Variants in C10orf90 observed in about 807,000 individuals in gnomAD.
C10orf90 encodes the protein (E2-independent) E3 ubiquitin-conjugating enzyme FATS.
C10orf90 carries 56 observed loss-of-function variants against 62.5 expected under a neutral mutation model. That is an observed-to-expected ratio of 0.90 (90% confidence interval 0.72 to 1.12). The LOEUF (loss-of-function observed/expected upper bound fraction) is 1.12. C10orf90 is among the 50% of genes most tolerant of loss of function. The pLI is 0.00. For missense variants in C10orf90, 970 were observed against 880.4 expected (o/e 1.10, Z -1.29); for synonymous variants, 386 against 340.4 (o/e 1.13, Z -1.47).
intron 2 of C10orf90, among the ~76,000 whole-genome samples, chr10:126,633,515 G>A (rs967793555): frequency 1.3e-5 from 2 of 152,234 alleles, no homozygotes; most frequent in African/African-American, 4.8e-5. Context: ...GTGGCAAGCT[G>A]GGAGAAGAGT....
At chr10:126,468,269 A>G (rs962824096) in intron 4 of C10orf90, among the ~76,000 whole-genome samples, 2 of 152,070 alleles carry the variant, frequency 1.3e-5, no homozygotes, top group African/African-American at 4.8e-5. Context: ...AGGTTTTACC[A>G]TGTTGGCCAG....
intron 2 of C10orf90, among the ~76,000 whole-genome samples, chr10:126,579,116 G>T (rs1181035815): frequency 6.6e-6 from 1 of 151,562 alleles, no homozygotes; most frequent in African/African-American, 2.4e-5. Context: ...TAGACATTTA[G>T]TGTCACTTGC....
intron 3 of C10orf90, 29 bp from the exon 4 acceptor site, chr10:126,505,114 CA>C: frequency 6.3e-7 from 1 of 1,578,456 alleles, no homozygotes; most frequent in Non-Finnish European, 8.6e-7. Context: ...CCCGATTATT[CA>C]AGCAGTCTAT....
chr10:126,557,928 G>A (rs953791607), intron 2 of C10orf90, among the ~76,000 whole-genome samples: 1 of 151,862 alleles, frequency 6.6e-6, no homozygotes, highest in Non-Finnish European at 1.5e-5. Context: ...TTGCTCTTGG[G>A]GGGTGACGGT....
intron 4 of C10orf90, among the ~76,000 whole-genome samples, chr10:126,476,171 G>A (rs1031205928): frequency 1.3e-5 from 2 of 152,160 alleles, no homozygotes; most frequent in African/African-American, 4.8e-5. Context: ...CAGGATTCCC[G>A]TGGAAAAGGC....
In C10orf90 at chr10:126,504,855, C is replaced by T. The variant is rs1564840790; in HGVS notation, c.636G>A (p.Glu212=). 1 of 1,612,012 alleles carries T rather than the reference C, an allele frequency of 6.2e-7. No homozygotes were observed. Among genetic ancestry groups the T allele is most frequent in the Non-Finnish European group, 8.5e-7 (1 of 1,178,714 alleles). ...GRLGIPAPSD[E]RGPEAELPPK... ...GCGGCAGCTCTGCCTCAGGTCCTCG[C>T]TCATCTGACGGTGCCGGGATTCCTA... is the stretch of plus-strand genomic sequence containing the variant. Residue 212 remains glutamate (E), a synonymous_variant, in exon 4 of 10, where the codon GAG becomes GAA. Coordinates refer to ENST00000488181, the MANE Select transcript of C10orf90 (RefSeq NM_001350921.2). The surrounding 1 kb of genome is among the most constrained non-coding windows in gnomAD (Gnocchi z 4.1).
At chr10:126,560,981 C>T (rs1864888325) in intron 2 of C10orf90, among the ~76,000 whole-genome samples, 1 of 152,178 alleles carries the variant, frequency 6.6e-6, no homozygotes, top group South Asian at 2.1e-4. Context: ...TCTATTCACC[C>T]TACAAAGCCT....
chr10:126,642,789 G>A (rs973546748), intron 2 of C10orf90, among the ~76,000 whole-genome samples: 2 of 152,076 alleles, frequency 1.3e-5, no homozygotes, highest in Non-Finnish European at 2.9e-5. Context: ...GCGAGCATCT[G>A]GAGCAGATGA....
chr10:126,484,622 G>A (rs562717648), intron 4 of C10orf90, among the ~76,000 whole-genome samples: 67 of 152,246 alleles, frequency 4.4e-4, no homozygotes, highest in Middle Eastern at 3.4e-3. Context: ...TAATGGCAGC[G>A]CACATTACCA....
Position 126,504,121 on chromosome 10 carries a change from C to A in C10orf90, c.1370G>T (p.Cys457Phe), listed in dbSNP as rs1479522479. 1.2e-6 allele frequency: 2 copies of A among 1,614,050 alleles called. No homozygotes were observed. Among genetic ancestry groups the A allele is most frequent in the Non-Finnish European group, 1.7e-6 (2 of 1,180,042 alleles). The change falls in exon 4 of 10, where the codon TGT (cysteine) becomes TTT (phenylalanine). Residue 457 changes from cysteine to phenylalanine, a missense_variant. Cys to Phe is a radical substitution (Grantham distance 205). Transcript: ENST00000488181. The surrounding 1 kb of genome is among the most constrained non-coding windows in gnomAD (Gnocchi z 4.1). ...LRRVHLGTGA[C>F]PWSGSFPLEN... is the part of the protein sequence containing the mutation. ...CAATGGAAAAGAACCACTCCAAGGA[C>A]AAGCGCCGGTCCCCAAATGCACCCG...
chr10:126,558,162 T>G (rs1166997496), intron 2 of C10orf90, among the ~76,000 whole-genome samples: 2 of 152,146 alleles, frequency 1.3e-5, no homozygotes, highest in African/African-American at 4.8e-5. Context: ...TCATCCCAAC[T>G]GCTAATATCC....
chr10:126,662,607 T>G (rs1286586543), intron 1 of C10orf90, among the ~76,000 whole-genome samples: 1 of 152,182 alleles, frequency 6.6e-6, no homozygotes, highest in Non-Finnish European at 1.5e-5. Context: ...AAATTGCCAT[T>G]CCTTCTGCCT....
intron 4 of C10orf90, among the ~76,000 whole-genome samples, chr10:126,495,914 C>T (rs1237803640): frequency 6.6e-6 from 1 of 152,192 alleles, no homozygotes; most frequent in East Asian, 1.9e-4. Flanking sequence ...GGTTTGAGTC[C>T]CCACCATGAG....
chr10:126,656,317 G>A (rs568814486), intron 1 of C10orf90, among the ~76,000 whole-genome samples: 100 of 152,248 alleles, frequency 6.6e-4, no homozygotes, highest in African/African-American at 2.4e-3. Context: ...TATGAGCCAA[G>A]GGCTTCCCTA....
chr10:126,628,819 C>T (rs369664401), intron 2 of C10orf90, among the ~76,000 whole-genome samples: 34 of 152,324 alleles, frequency 2.2e-4, no homozygotes, highest in South Asian at 1.0e-3. Flanking sequence ...ACTCACTCTC[C>T]ATGTTCCTCA....
At chr10:126,505,173 A>G in intron 3 of C10orf90, 88 bp from the exon 4 acceptor site, 2 of 1,377,336 alleles carry the variant, frequency 1.5e-6, no homozygotes, top group Non-Finnish European at 2.0e-6. Flanking sequence ...AGGATGCCAG[A>G]GCACTGGGTT....
chr10:126,634,527 CTA>C (rs1183744704), intron 2 of C10orf90, among the ~76,000 whole-genome samples: 3 of 152,082 alleles, frequency 2.0e-5, no homozygotes, highest in African/African-American at 7.2e-5. Context: ...TGAGTCAGCT[CTA>C]GAGATCCACT....
chr10:126,608,378 C>T (rs1432682996), intron 2 of C10orf90, among the ~76,000 whole-genome samples: 1 of 152,176 alleles, frequency 6.6e-6, no homozygotes, highest in Non-Finnish European at 1.5e-5. Context: ...TCCCAAAGTG[C>T]TGGGATTACA....
intron 2 of C10orf90, among the ~76,000 whole-genome samples, chr10:126,632,513 C>T (rs1397694401): frequency 1.3e-5 from 2 of 151,742 alleles, no homozygotes; most frequent in Admixed American, 6.6e-5. Context: ...TCATTTTATA[C>T]CATTCTCATG....
Sources: allele counts gnomAD v4.1 joint callset (sites outside exome capture counted in the v4.1 genomes callset), GRCh38; gene constraint gnomAD v4.1.1; non-coding constraint Gnocchi (gnomAD v3.1); transcripts MANE v1.5; gene names NCBI Gene and HGNC (gene_info 2026-07-23, HGNC 2026-07-21).